The following SLC1A6 variants were observed in gnomAD, a reference collection of about 807,000 sequenced individuals.
SLC1A6 encodes excitatory amino acid transporter 4.
A neutral mutation model predicts 42.1 loss-of-function variants in SLC1A6; 15 were observed. The ratio of observed to expected loss-of-function variants is 0.36; its 90% CI spans 0.24 to 0.55. The LOEUF is 0.55. SLC1A6 is among the 20% of genes least tolerant of loss of function. SLC1A6 has a pLI of 0.88. For missense variants in SLC1A6, 542 were observed against 772.5 expected, an observed-to-expected ratio of 0.70 and a Z score of 3.54; for synonymous variants, 317 against 319.7, an observed-to-expected ratio of 0.99 and a Z score of 0.09.
intron 1 of SLC1A6, among the ~76,000 whole-genome samples, chr19:15,000,820 A>G: frequency 6.6e-6 from 1 of 152,128 alleles, no homozygotes; most frequent in East Asian, 1.9e-4. Context: ...CTCCAGTACC[A>G]CCTTACCTTA....
In SLC1A6 at chr19:15,001,596, T is replaced by C. The variant is rs7248013; in HGVS notation, c.6+8889A>G. The stretch of plus-strand genomic sequence containing the variant: ...TGTAGATTCTGGTAAGGAACTTGGA[T>C]GCCATTCTAAACCTGAGGTTCACTT... On this transcript the variant is annotated intron_variant, in intron 1 of 8. Coordinates refer to the SLC1A6 transcript ENST00000430939. Among the ~76,000 whole-genome samples the C allele has an allele frequency of 7.9e-5, 12 of 152,198 alleles. No homozygotes were observed. In the East Asian group the frequency reaches 2.1e-3, roughly 27 times the overall value.
intron 3 of SLC1A6, among the ~76,000 whole-genome samples, 161 bp from the exon 4 acceptor site, chr19:14,968,668 C>T (rs538787710): frequency 5.9e-4 from 89 of 152,076 alleles, no homozygotes; most frequent in Non-Finnish European, 1.0e-3. Flanking sequence ...CCCATTCACC[C>T]GCACCACCAT....
intron 1 of SLC1A6, among the ~76,000 whole-genome samples, chr19:15,004,793 G>A (rs2045888343): frequency 6.6e-6 from 1 of 152,016 alleles, no homozygotes; most frequent in African/African-American, 2.4e-5. Context: ...TAGCTTATTT[G>A]TTAGTTTAAG....
In SLC1A6 at chr19:14,956,718, G is replaced by A. The variant is rs1470223217; in HGVS notation, c.936-9C>T. Reference sequence around the variant, plus strand: ...TGCCCACAGGTGCATACCTGTGTGAGGGAGCCACATACCTGTCAGGGCTCC... The same window carrying A: ...TGCCCACAGGTGCATACCTGTGTGAAGGAGCCACATACCTGTCAGGGCTCC... On this transcript the variant is annotated splice_polypyrimidine_tract_variant and intron_variant, in intron 6 of 9. Transcript: ENST00000594383. The A allele has an allele frequency of 6.3e-7, 1 of 1,582,112 alleles. No individual in the cohort carries two copies. The highest frequency in any genetic ancestry group is 1.7e-5 in the Admixed American group (1 of 59,052).
chr19:14,998,664 A>G (rs1301052912), intron 1 of SLC1A6, among the ~76,000 whole-genome samples: 1 of 152,174 alleles, frequency 6.6e-6, no homozygotes, highest in African/African-American at 2.4e-5. Context: ...GACAGATAGC[A>G]GGTCCTGAAA....
At chr19:14,970,572 A>G (rs562042995) in intron 3 of SLC1A6, among the ~76,000 whole-genome samples, 32 of 151,984 alleles carry the variant, frequency 2.1e-4, no homozygotes, top group Middle Eastern at 3.4e-3. Context: ...TTAGCCGGGC[A>G]TGGTGGCGGG....
At position 14,950,235 on chromosome 19, in the gene SLC1A6, C is replaced by A; in HGVS notation, c.1655G>T (p.Gly552Val). 1.2e-6 allele frequency: 2 copies of A among 1,600,850 alleles called. No homozygotes were observed. Among genetic ancestry groups the A allele is most frequent in the Non-Finnish European group, 1.7e-6 (2 of 1,170,916 alleles). Residue 552 changes from glycine to valine, a missense_variant, in exon 10 of 10, where the codon GGG (glycine) becomes GTG (valine). Around this residue, in one of 6 missense-constraint regions of SLC1A6, gnomAD observed 73 missense variants for 85.2 expected, o/e 0.86. Coordinates refer to ENST00000594383, the MANE Select transcript of SLC1A6 (RefSeq NM_005071.3). ...PYKSLMAQEK[G>V]ASRGRGGNES... ...GTTGCCTCCCCGTCCCCGGGATGCCCCCTTCTCCTGTGCCATGAGGGACTT... is the reference window on the plus strand; with the variant it reads ...GTTGCCTCCCCGTCCCCGGGATGCCACCTTCTCCTGTGCCATGAGGGACTT...
At chr19:14,960,932 T>TTTG (rs2045504750) in intron 6 of SLC1A6, among the ~76,000 whole-genome samples, 1 of 149,068 alleles carries the variant, frequency 6.7e-6, no homozygotes, top group African/African-American at 2.5e-5. Flanking sequence ...GTCTCTCCCT[T>TTTG]TTTTTTTTTT....
intron 1 of SLC1A6, among the ~76,000 whole-genome samples, chr19:14,989,814 A>G (rs1600030889): frequency 9.5e-6 from 1 of 105,734 alleles, no homozygotes; most frequent in South Asian, 2.5e-4. Flanking sequence ...CAACATGGTG[A>G]AAACCCATCT....
chr19:15,010,261 AG>A (rs750188942), intron 1 of SLC1A6, among the ~76,000 whole-genome samples: 29 of 151,008 alleles, frequency 1.9e-4, no homozygotes, highest in Non-Finnish European at 2.8e-4. Context: ...AGACTAAAAA[AG>A]CTACTTTTGG....
chr19:15,009,203 C>T (rs4808143), intron 1 of SLC1A6, among the ~76,000 whole-genome samples: 58,146 of 149,624 alleles, frequency 0.39, 12,212 homozygotes, highest in East Asian at 0.55. Flanking sequence ...TACATATGCC[C>T]TATATATAGC....
intron 1 of SLC1A6, among the ~76,000 whole-genome samples, chr19:14,985,344 T>C (rs10412076): frequency 0.73 from 110,655 of 152,080 alleles, 40,645 homozygotes; most frequent in African/African-American, 0.83. Flanking sequence ...GCAGGCCTAG[T>C]AGGAGGTGTT....
intron 6 of SLC1A6, among the ~76,000 whole-genome samples, chr19:14,960,304 T>C (rs1277038825): frequency 6.6e-6 from 1 of 152,138 alleles, no homozygotes; most frequent in Non-Finnish European, 1.5e-5. Flanking sequence ...AAGAATGAAT[T>C]AGAATGAATA....
chr19:14,998,545 A>C (rs945261363), intron 1 of SLC1A6, among the ~76,000 whole-genome samples: 4 of 152,200 alleles, frequency 2.6e-5, no homozygotes, highest in Non-Finnish European at 5.9e-5. Context: ...TGTCTCAAAA[A>C]ACAAACAAAA....
chr19:14,955,231 C>A (rs2045450986), intron 7 of SLC1A6, among the ~76,000 whole-genome samples: 2 of 152,104 alleles, frequency 1.3e-5, no homozygotes, highest in Non-Finnish European at 2.9e-5. Flanking sequence ...ATCAGTCTTA[C>A]CTAGCCATAG....
chr19:14,979,841 C>G lies in SLC1A6; in HGVS notation c.-540G>C, dbSNP rs1251246542. 2 of 130,134 alleles carry G rather than the reference C, an allele frequency of 1.5e-5. No homozygotes were observed. The highest frequency in any genetic ancestry group is 2.8e-5 in the African/African-American group (1 of 35,806). The allele number at this position is 130,134 out of a possible 1,614,324, so 8.1% of individuals were successfully genotyped here. A position where few individuals can be genotyped will look rare whatever the true frequency, so the allele number is the denominator to read the frequency against. On this transcript the variant is annotated 5_prime_UTR_variant, in exon 1 of 10. Coordinates refer to ENST00000594383, the MANE Select transcript of SLC1A6 (RefSeq NM_005071.3). The surrounding 1 kb of genome is among the most constrained non-coding windows in gnomAD (Gnocchi z 4.2). ...CAGCCGTGTGGGAGAAGGGGGACAG[C>G]GTGCTTGCGAAGGGAGGGGGACTGG...
At chr19:14,968,872 C>G (rs1011803431) in intron 3 of SLC1A6, among the ~76,000 whole-genome samples, 2 of 142,610 alleles carry the variant, frequency 1.4e-5, no homozygotes, top group Non-Finnish European at 3.0e-5. Context: ...GAGACGGACT[C>G]TCCTTCGCCC....
chr19:15,009,085 G>A (rs56090355), intron 1 of SLC1A6, among the ~76,000 whole-genome samples: 36,496 of 124,012 alleles, frequency 0.29, 4,674 homozygotes, highest in African/African-American at 0.38. Context: ...TATATATATC[G>A]GATACAAATG....
chr19:15,002,867 A>G (rs896877973), intron 1 of SLC1A6, among the ~76,000 whole-genome samples: 5 of 151,192 alleles, frequency 3.3e-5, no homozygotes, highest in African/African-American at 1.2e-4. Flanking sequence ...GAAGACGTTG[A>G]TGATGGATGC....
Sources: allele counts gnomAD v4.1 joint callset (sites outside exome capture counted in the v4.1 genomes callset), GRCh38; gene constraint gnomAD v4.1.1; regional missense constraint gnomAD v4.1.1; non-coding constraint Gnocchi (gnomAD v3.1); transcripts MANE v1.5; gene names NCBI Gene and HGNC (gene_info 2026-07-23, HGNC 2026-07-21).